The following EHD3 variants were observed in gnomAD, a reference collection of about 807,000 sequenced individuals.
EHD3 encodes the protein EH domain-containing protein 3.
A neutral mutation model predicts 43.0 loss-of-function variants in EHD3; 17 were observed. The observed-to-expected ratio is 0.40, with a 90% CI of 0.27 to 0.59. EHD3 has a LOEUF of 0.59. Among genes scored for constraint, EHD3 ranks in the 20% least tolerant of loss-of-function variants. EHD3 has a pLI of 0.49. For synonymous variants in EHD3, 313 were observed against 289.5 expected (o/e 1.08, Z -0.82); for missense variants, 594 against 705.6 (o/e 0.84, Z 1.79).
Position 31,254,941 on chromosome 2 carries a change from G to A in EHD3, c.502+5473G>A, listed in dbSNP as rs139415179. 2.4e-4 allele frequency among the ~76,000 whole-genome samples: 36 copies of A among 152,344 alleles called. No individual in the cohort carries two copies. In the East Asian group the frequency reaches 6.6e-3, roughly 28 times the overall value. ...GGCTGGAAACCCGAAGAAGTATGCT[G>A]CCCTGTGAGGGCCCAGGCACTGCAT... On this transcript the variant is annotated intron_variant, in intron 3 of 5. Transcript: ENST00000322054.
rs926985773 is a variant in EHD3 at position 31,243,325 on chromosome 2, C to T, written c.228-949C>T. On this transcript the variant is annotated intron_variant, in intron 1 of 5. Coordinates refer to ENST00000322054, the MANE Select transcript of EHD3 (RefSeq NM_014600.3). ...ATAAATGTGTAGATCTGCATGAACA[C>T]TTAATAACATAGTACTTGTGTGCAT... is the stretch of plus-strand genomic sequence containing the variant. 2.0e-5 allele frequency among the ~76,000 whole-genome samples: 3 copies of T among 146,952 alleles called. No homozygotes were observed. The Admixed American group carries it at 2.1e-4, about 10-fold the overall frequency.
chr2:31,237,995 T>G (rs1225928143), intron 1 of EHD3, among the ~76,000 whole-genome samples: 2 of 152,104 alleles, frequency 1.3e-5, no homozygotes, highest in African/African-American at 4.8e-5. Flanking sequence ...GTGTGTGTTT[T>G]TTTTGTTTGT....
chr2:31,253,204 C>CCG (rs1683672776), intron 3 of EHD3, among the ~76,000 whole-genome samples: 1 of 129,264 alleles, frequency 7.7e-6, no homozygotes, highest in Non-Finnish European at 1.6e-5. Flanking sequence ...CACACATATC[C>CCG]TGCATATACA....
At chr2:31,251,767 G>A (rs534117213) in intron 3 of EHD3, among the ~76,000 whole-genome samples, 1 of 152,282 alleles carries the variant, frequency 6.6e-6, no homozygotes, top group East Asian at 1.9e-4. Flanking sequence ...CACGCTGTAA[G>A]CACCTGGCTC....
rs185079881 is a variant in EHD3 at position 31,264,343 on chromosome 2, T to C, written c.1081-1834T>C. On this transcript the variant is annotated intron_variant, in intron 5 of 5. Coordinates refer to ENST00000322054, the MANE Select transcript of EHD3 (RefSeq NM_014600.3). ...ACTTGTACAGGGCACTTACCATGAA[T>C]GGAGCTTGCAGAACTGGAAGTTGCT... Among the ~76,000 whole-genome samples the C allele has an allele frequency of 5.6e-3, 860 of 152,230 alleles. 10 individuals carry two copies. The highest frequency in any genetic ancestry group is 0.02 in the African/African-American group (818 of 41,520).
intron 2 of EHD3, among the ~76,000 whole-genome samples, chr2:31,247,245 A>C (rs1322920758): frequency 6.6e-6 from 1 of 152,146 alleles, no homozygotes; most frequent in Non-Finnish European, 1.5e-5. Flanking sequence ...AAGGATAGAG[A>C]AGAGGAACAC....
chr2:31,265,391 G>A (rs605588), intron 5 of EHD3, among the ~76,000 whole-genome samples: 130,229 of 152,208 alleles, frequency 0.86, 56,121 homozygotes, highest in African/African-American at 0.95. Flanking sequence ...GCGTTGTGTT[G>A]TGTACAGTAG....
chr2:31,253,421 C>G (rs1683678144), intron 3 of EHD3, among the ~76,000 whole-genome samples: 1 of 152,194 alleles, frequency 6.6e-6, no homozygotes, highest in Non-Finnish European at 1.5e-5. Flanking sequence ...CCCTTCCTCC[C>G]TGGGATAGTC....
chr2:31,266,761 T>TACACACACACAC lies in EHD3; in HGVS notation c.*79_*90dup, dbSNP rs67643147. The TACACACACACAC allele has an allele frequency of 2.7e-5, 32 of 1,179,150 alleles. No individual in the cohort carries two copies. The highest frequency in any genetic ancestry group is 1.6e-4 in the African/African-American group (10 of 61,396). 73.0% of individuals were successfully genotyped at this position (1,179,150 alleles called of 1,614,324 possible). The stretch of plus-strand genomic sequence containing the variant: ...TAGAGGAGGAGATGGGAGCGGTGAC[T>TACACACACACAC]ACACACACACACACACACACACACA... On this transcript the variant is annotated 3_prime_UTR_variant, in exon 6 of 6. Transcript: ENST00000322054. This position sits in a 1 kb window ranked among gnomAD's most constrained non-coding sequence, Gnocchi z 5.1.
intron 1 of EHD3, among the ~76,000 whole-genome samples, chr2:31,243,614 G>C (rs1479752227): frequency 6.6e-6 from 1 of 151,492 alleles, no homozygotes; most frequent in Non-Finnish European, 1.5e-5. Flanking sequence ...CTGCCACCAT[G>C]CCCAGCTAAT....
At chr2:31,249,662 C>T (rs908815960) in intron 3 of EHD3, among the ~76,000 whole-genome samples, 194 bp downstream of exon 3, 2 of 152,154 alleles carry the variant, frequency 1.3e-5, no homozygotes, top group Non-Finnish European at 2.9e-5. Flanking sequence ...GAGGGGAATT[C>T]AGGTCCACCG....
chr2:31,261,831 C>T, intron 5 of EHD3, 118 bp downstream of exon 5: 1 of 1,114,520 alleles, frequency 9.0e-7, no homozygotes, highest in Non-Finnish European at 1.2e-6. Context: ...CCAGAATCTG[C>T]AGGCAAGGAG....
intron 3 of EHD3, among the ~76,000 whole-genome samples, chr2:31,249,947 G>A (rs1224219112): frequency 6.6e-6 from 1 of 152,160 alleles, no homozygotes; most frequent in Non-Finnish European, 1.5e-5. Flanking sequence ...ATAAATACAG[G>A]ATAATTGCTC....
At chr2:31,255,424 G>GTCC (rs1028915361) in intron 3 of EHD3, among the ~76,000 whole-genome samples, 3 of 151,728 alleles carry the variant, frequency 2.0e-5, no homozygotes, top group Non-Finnish European at 4.4e-5. Flanking sequence ...CTACCACAGA[G>GTCC]TCCTCATTCA....
rs760353877 is a variant in EHD3, at chr2:31,260,846, G to A, written c.839G>A (p.Arg280Lys). The part of the protein sequence containing the change: ...LFEAEEQDLF[R>K]DIQSLPRNAA... ...GAGGCTGAGGAACAGGACCTATTCAGGGACATCCAGAGTCTGCCCCGAAAT... is the reference window on the plus strand; with the variant it reads ...GAGGCTGAGGAACAGGACCTATTCAAGGACATCCAGAGTCTGCCCCGAAAT... The change falls in exon 4 of 6, where the codon AGG becomes AAG. Residue 280 changes from arginine to lysine, a missense_variant. By Grantham distance (26) the Arg-to-Lys change is conservative. Around this residue, in one of 3 missense-constraint regions of EHD3, gnomAD observed 322 missense variants for 348.0 expected, o/e 0.93. Coordinates refer to ENST00000322054, the MANE Select transcript of EHD3 (RefSeq NM_014600.3). The surrounding 1 kb of genome is among the most constrained non-coding windows in gnomAD (Gnocchi z 4.6). The A allele has an allele frequency of 6.2e-7, 1 of 1,614,170 alleles. No homozygotes were observed. Among genetic ancestry groups the A allele is most frequent in the Non-Finnish European group, 8.5e-7 (1 of 1,180,032 alleles).
At chr2:31,265,909 G>T (rs1293128262) in intron 5 of EHD3, among the ~76,000 whole-genome samples, 3 of 152,122 alleles carry the variant, frequency 2.0e-5, no homozygotes, top group African/African-American at 7.2e-5. Context: ...GCCAATACTT[G>T]TTAAATTTCC....
At chr2:31,240,109 C>T (rs1176199957) in intron 1 of EHD3, among the ~76,000 whole-genome samples, 4 of 152,184 alleles carry the variant, frequency 2.6e-5, no homozygotes, top group African/African-American at 9.7e-5. Flanking sequence ...GGAGCTGACT[C>T]ATGCCTCAAC....
intron 3 of EHD3, among the ~76,000 whole-genome samples, chr2:31,253,305 C>T (rs1683675842): frequency 6.6e-6 from 1 of 151,632 alleles, no homozygotes; most frequent in South Asian, 2.1e-4. Flanking sequence ...ACAAAACTTG[C>T]TTTCTCATGG....
At chr2:31,248,420 T>C (rs1465694910) in intron 2 of EHD3, among the ~76,000 whole-genome samples, 1 of 152,194 alleles carries the variant, frequency 6.6e-6, no homozygotes, top group East Asian at 1.9e-4. Context: ...CTCAGGGTGC[T>C]GGTCCCATTG....
Sources: allele counts gnomAD v4.1 joint callset (sites outside exome capture counted in the v4.1 genomes callset), GRCh38; gene constraint gnomAD v4.1.1; regional missense constraint gnomAD v4.1.1; non-coding constraint Gnocchi (gnomAD v3.1); transcripts MANE v1.5; gene names NCBI Gene and HGNC (gene_info 2026-07-23, HGNC 2026-07-21).